THAP9: variants seen among roughly 807,000 people sequenced by gnomAD.
THAP9 encodes DNA transposase THAP9.
In THAP9, 20 loss-of-function variants were observed where a neutral mutation model predicts 35.7. The observed-to-expected ratio is 0.56, with a 90% CI of 0.39 to 0.81. The LOEUF is 0.81. Among genes scored for constraint, THAP9 ranks in the 40% least tolerant of loss-of-function variants. The pLI is 0.00. For missense variants in THAP9, 870 were observed against 1,047.4 expected (o/e 0.83, Z 2.34); for synonymous variants, 335 against 373.7 (o/e 0.90, Z 1.19).
At chr4:82,907,591 A>T (rs1440437711) in intron 3 of THAP9, among the ~76,000 whole-genome samples, 194 bp from the exon 4 acceptor site, 1 of 152,178 alleles carries the variant, frequency 6.6e-6, no homozygotes, top group Non-Finnish European at 1.5e-5. Flanking sequence ...CCTCTAGTGA[A>T]ATGATTCCAG....
intron 4 of THAP9, among the ~76,000 whole-genome samples, chr4:82,912,099 G>A (rs941260667): frequency 2.0e-5 from 3 of 151,890 alleles, no homozygotes; most frequent in Admixed American, 6.6e-5. Flanking sequence ...GTTCTCCCTG[G>A]ATTCTTTATG....
chr4:82,900,915 C>A lies in THAP9; in HGVS notation c.80+33C>A, dbSNP rs764877221. The A allele has an allele frequency of 8.7e-6, 14 of 1,610,304 alleles. No homozygotes were observed. The East Asian group carries it at 2.2e-4, about 26-fold the overall frequency. On this transcript the variant is annotated intron_variant, in intron 1 of 4. Transcript: ENST00000302236. ...TGGGAGCAGCCTCGAAGCCTTCGAACTCCCTGCGGGGCCCGGCGGGCCGTG... is the reference window on the plus strand; with the variant it reads ...TGGGAGCAGCCTCGAAGCCTTCGAAATCCCTGCGGGGCCCGGCGGGCCGTG...
intron 4 of THAP9, among the ~76,000 whole-genome samples, chr4:82,916,621 A>G (rs1721040591): frequency 6.6e-6 from 1 of 152,244 alleles, no homozygotes; most frequent in South Asian, 2.1e-4. Context: ...CAGTGAATTT[A>G]CAGGTAAGAC....
Position 82,917,801 on chromosome 4 carries a change from G to T in THAP9, c.1589G>T (p.Gly530Val). Residue 530 changes from glycine (G) to valine (V), a missense_variant, in exon 5 of 5, where the codon GGA becomes GTA. This residue lies in a region of THAP9 where 414 missense variants were observed against 500.8 expected (regional missense o/e 0.83). Transcript: ENST00000302236. ...IFNSRNCYGK[G>V]LKGPLLPETY... ...AATAGTAGGAACTGTTATGGAAAGGGACTTAAAGGGCCTCTGTTGCCTGAA... is the reference window on the plus strand; with the variant it reads ...AATAGTAGGAACTGTTATGGAAAGGTACTTAAAGGGCCTCTGTTGCCTGAA... 2 of 1,613,798 alleles carry T rather than the reference G, an allele frequency of 1.2e-6. No homozygotes were observed. Among genetic ancestry groups the T allele is most frequent in the Non-Finnish European group, 1.7e-6 (2 of 1,179,946 alleles).
rs1720297188 is a variant in THAP9, at chr4:82,900,827, G to C, written c.25G>C (p.Gly9Arg). MTRSCSAV[G>R]CSTRDTVLSR... ...GATGACCCGAAGTTGCTCCGCAGTG[G>C]GCTGCAGCACCCGTGACACCGTGCT... Residue 9 changes from glycine to arginine, a missense_variant, in exon 1 of 5, where the codon GGC becomes CGC. Physicochemically the swap from Gly to Arg is moderately radical, Grantham distance 125. Transcript: ENST00000302236. 1.2e-6 allele frequency: 2 copies of C among 1,613,510 alleles called. No homozygotes were observed. The highest frequency in any genetic ancestry group is 1.3e-5 in the African/African-American group (1 of 74,942).
At chr4:82,909,555 TATAGA>T (rs1308721794) in intron 4 of THAP9, among the ~76,000 whole-genome samples, 2 of 152,178 alleles carry the variant, frequency 1.3e-5, no homozygotes, top group Non-Finnish European at 2.9e-5. Flanking sequence ...TTGAACTCTT[TATAGA>T]CAAGTTTTAA....
intron 1 of THAP9, 124 bp downstream of exon 1, chr4:82,901,006 G>A: frequency 8.5e-7 from 1 of 1,177,910 alleles, no homozygotes; most frequent in Non-Finnish European, 1.2e-6. Context: ...GACGTGACGT[G>A]CGCAGCGTCG....
intron 1 of THAP9, among the ~76,000 whole-genome samples, chr4:82,902,549 C>T (rs1026599353): frequency 1.3e-5 from 2 of 152,122 alleles, no homozygotes; most frequent in African/African-American, 2.4e-5. Context: ...CAGAGGACCA[C>T]GCTAGTAATA....
chr4:82,906,072 C>T (rs184162306), intron 2 of THAP9: 22 of 427,108 alleles, frequency 5.2e-5, no homozygotes, highest in Middle Eastern at 6.6e-4. Context: ...CAGTTTACTA[C>T]CACCTTTCTC....
chr4:82,910,483 G>A (rs942830931), intron 4 of THAP9, among the ~76,000 whole-genome samples: 1 of 149,312 alleles, frequency 6.7e-6, no homozygotes, highest in Non-Finnish European at 1.5e-5. Flanking sequence ...TTGTTTTAGT[G>A]TTCTGTTATA....
intron 4 of THAP9, among the ~76,000 whole-genome samples, chr4:82,915,942 T>C (rs533252448): frequency 2.0e-5 from 3 of 152,320 alleles, no homozygotes; most frequent in Admixed American, 6.5e-5. Context: ...TAGTATGTAC[T>C]AAGGGTGAAT....
At chr4:82,901,545 AG>A (rs1288847124) in intron 1 of THAP9, among the ~76,000 whole-genome samples, 2 of 152,226 alleles carry the variant, frequency 1.3e-5, no homozygotes, top group African/African-American at 2.4e-5. Context: ...ATGGTTGGAA[AG>A]GGGGGGTAGG....
At position 82,918,805 on chromosome 4, in the gene THAP9, A is replaced by C; in HGVS notation, c.2593A>C (p.Met865Leu). The change falls in exon 5 of 5, where the codon ATG becomes CTG. Residue 865 changes from methionine to leucine, a missense_variant. This residue lies in a region of THAP9 where 414 missense variants were observed against 500.8 expected (regional missense o/e 0.83). Transcript: ENST00000302236. ...AAAACATCATTCAGAGAGAACTGAT[A>C]TGAAAACTTTATCAAGGAAACACTG... ...PLKHHSERTD[M>L]KTLSRKHWSS... 2 of 1,613,882 alleles carry C rather than the reference A, an allele frequency of 1.2e-6. No individual in the cohort carries two copies. Among genetic ancestry groups the C allele is most frequent in the South Asian group, 2.2e-5 (2 of 91,074 alleles).
chr4:82,906,645 C>T lies in THAP9; in HGVS notation c.580+18C>T. 1 of 1,540,600 alleles carries T rather than the reference C, an allele frequency of 6.5e-7. No homozygotes were observed. Among genetic ancestry groups the T allele is most frequent in the Admixed American group, 2.1e-5 (1 of 46,816 alleles). ...ATTTTCAGGTACTTCCCCCTAGTAACCTGTAGTATTTACAAAAATAGCTAT... is the reference window on the plus strand; with the variant it reads ...ATTTTCAGGTACTTCCCCCTAGTAATCTGTAGTATTTACAAAAATAGCTAT... On this transcript the variant is annotated intron_variant, in intron 3 of 4. Coordinates refer to ENST00000302236, the MANE Select transcript of THAP9 (RefSeq NM_024672.6).
In THAP9 at chr4:82,904,060, T is replaced by G. The variant is rs1419069582; in HGVS notation, c.81-676T>G. Among the ~76,000 whole-genome samples, 4 of 1,946 alleles carry G rather than the reference T, an allele frequency of 2.1e-3. No homozygotes were observed. In the Admixed American group the frequency reaches 0.023, roughly 11 times the overall value. 1.3% of individuals were successfully genotyped at this position (1,946 alleles called of 152,430 possible). A position where few individuals can be genotyped will look rare whatever the true frequency, so the allele number is the denominator to read the frequency against. ...AGGGGAGGGGAATTAGGCTCCCCCTTTTTTTTTTTTTTTTTTTTTTTGTTA... is the reference window on the plus strand; with the variant it reads ...AGGGGAGGGGAATTAGGCTCCCCCTGTTTTTTTTTTTTTTTTTTTTTGTTA... On this transcript the variant is annotated intron_variant, in intron 1 of 4. Transcript: ENST00000302236.
chr4:82,902,968 C>G (rs1345255991), intron 1 of THAP9, among the ~76,000 whole-genome samples: 3 of 152,148 alleles, frequency 2.0e-5, no homozygotes, highest in Non-Finnish European at 4.4e-5. Context: ...TACAGGTTTT[C>G]CAATTCAGAG....
chr4:82,912,016 A>T (rs567653725), intron 4 of THAP9, among the ~76,000 whole-genome samples: 2 of 152,184 alleles, frequency 1.3e-5, no homozygotes, highest in Non-Finnish European at 2.9e-5. Context: ...CTAATTGTCT[A>T]TATCTTTCTC....
At chr4:82,908,385 C>A (rs1011309277) in intron 4 of THAP9, among the ~76,000 whole-genome samples, 6 of 152,148 alleles carry the variant, frequency 3.9e-5, no homozygotes, top group African/African-American at 1.4e-4. Flanking sequence ...ACAAAAAAAT[C>A]TGCGTTTTTC....
In THAP9 at chr4:82,900,795, A is replaced by G. The variant is rs760286519; in HGVS notation, c.-8A>G. On this transcript the variant is annotated 5_prime_UTR_variant, in exon 1 of 5. An upstream open reading frame in the 5' UTR loses its in-frame stop. Coordinates refer to ENST00000302236, the MANE Select transcript of THAP9 (RefSeq NM_024672.6). ...AACCCCGAAGGTGGGGCCCCACGTA[A>G]CAAGAAGATGACCCGAAGTTGCTCC... 1 of 1,613,680 alleles carries G rather than the reference A, an allele frequency of 6.2e-7. No individual in the cohort carries two copies. The highest frequency in any genetic ancestry group is 1.1e-5 in the South Asian group (1 of 91,078).
Sources: gnomAD v4.1 joint callset for allele counts (sites outside exome capture counted in the v4.1 genomes callset) on GRCh38, gnomAD v4.1.1 for gene constraint, gnomAD v4.1.1 regional missense constraint, MANE v1.5 for transcripts, NCBI Gene and HGNC (gene_info 2026-07-23, HGNC 2026-07-21) for gene names.